Variants in OTOGL observed in about 807,000 individuals in gnomAD.
OTOGL encodes otogelin-like protein.
Under a neutral mutation model 318.5 loss-of-function variants are expected in OTOGL, and 285 were observed. The ratio of observed to expected loss-of-function variants is 0.89; its 90% confidence interval spans 0.81 to 0.99. The LOEUF (loss-of-function observed/expected upper bound fraction) is 0.99, where lower values mean the gene tolerates loss of function less well. Among genes scored for constraint, OTOGL ranks in the 50% least tolerant of loss-of-function variants. The pLI, the probability that OTOGL is intolerant of heterozygous loss-of-function variation, is 0.00. For synonymous variants in OTOGL, 987 were observed against 936.5 expected (o/e 1.05, Z -0.99); for missense variants, 2,899 against 2,845.6 (o/e 1.02, Z -0.43).
intron 1 of OTOGL, among the ~76,000 whole-genome samples, chr12:80,137,976 G>A (rs1186848867): frequency 1.3e-5 from 2 of 152,136 alleles, no homozygotes; most frequent in African/African-American, 2.4e-5. Flanking sequence ...AGACTTAACA[G>A]AAAAATTAAG....
chr12:80,142,099 G>A (rs1871985171), intron 1 of OTOGL, among the ~76,000 whole-genome samples: 2 of 152,148 alleles, frequency 1.3e-5, no homozygotes, highest in South Asian at 4.1e-4. Context: ...GACAAAGAGA[G>A]AGGAGGAGAG....
intron 26 of OTOGL, among the ~76,000 whole-genome samples, chr12:80,291,979 C>CTTTTCT (rs1885073734): frequency 6.6e-6 from 1 of 151,440 alleles, no homozygotes; most frequent in Non-Finnish European, 1.5e-5. Flanking sequence ...TTTTTCTTTT[C>CTTTTCT]TTTTCTTTTT....
intron 11 of OTOGL, 42 bp downstream of exon 11, chr12:80,239,481 G>T: frequency 1.5e-6 from 2 of 1,377,504 alleles, no homozygotes; most frequent in Non-Finnish European, 1.0e-6. Flanking sequence ...TTTTCTTTAT[G>T]CAAAAAGAAG....
At position 80,237,641 on chromosome 12, in the gene OTOGL, C is replaced by T. The variant is rs569128347; in HGVS notation, c.818-1210C>T. Among the ~76,000 whole-genome samples, 47 of 152,110 alleles carry T rather than the reference C, an allele frequency of 3.1e-4. No homozygotes were observed. In the South Asian group the frequency reaches 8.3e-3, roughly 27 times the overall value. ...TGCAGAAGATATATGAGGGGCAGAG[C>T]GGGTTGGGAGTAAGGGGAGAACAGG... is the stretch of plus-strand genomic sequence containing the variant. On this transcript the variant is annotated intron_variant, in intron 9 of 58. Transcript: ENST00000547103.
chr12:80,176,385 A>G (rs890412225), intron 1 of OTOGL, among the ~76,000 whole-genome samples: 1 of 152,050 alleles, frequency 6.6e-6, no homozygotes, highest in Admixed American at 6.6e-5. Context: ...TCTCTTCGTA[A>G]TCTCTCTTTC....
chr12:80,125,738 G>T (rs1193122241), intron 1 of OTOGL, among the ~76,000 whole-genome samples: 1 of 152,136 alleles, frequency 6.6e-6, no homozygotes, highest in East Asian at 1.9e-4. Context: ...TCTATTCAGA[G>T]ATTCAACTTC....
chr12:80,108,829 A>G (rs1401719544), intron 1 of OTOGL, among the ~76,000 whole-genome samples: 1 of 116,188 alleles, frequency 8.6e-6, no homozygotes, highest in African/African-American at 3.5e-5. Context: ...ATATATGTAT[A>G]TATATTGTAT....
Position 80,259,643 on chromosome 12 carries a change from C to T in OTOGL, c.1889+1641C>T, listed in dbSNP as rs544894100. 7.2e-5 allele frequency among the ~76,000 whole-genome samples: 11 copies of T among 152,024 alleles called. 1 individual carries two copies. The South Asian group carries it at 1.9e-3, about 26-fold the overall frequency. ...TGAGAACATGCGGTGATTGGTTTTC[C>T]GTTCCTGTTATAGTTTGCTGAGGAT... On this transcript the variant is annotated intron_variant, in intron 18 of 58. Transcript: ENST00000547103.
intron 1 of OTOGL, among the ~76,000 whole-genome samples, chr12:80,186,636 G>A (rs1875312143): frequency 6.6e-6 from 1 of 151,894 alleles, no homozygotes; most frequent in Admixed American, 6.6e-5. Flanking sequence ...CAGACGTATC[G>A]CTCACCACTC....
At position 80,366,306 on chromosome 12, in the gene OTOGL, C is replaced by T. The variant is rs1488224709; in HGVS notation, c.6268-268C>T. On this transcript the variant is annotated intron_variant, in intron 52 of 58. Transcript: ENST00000547103. ...ATGCAGACATCAGAACCCTAGGCTG[C>T]CTTGGTAGAGCAGATCAAGAACATT... 1.1e-5 allele frequency: 5 copies of T among 453,264 alleles called. No homozygotes were observed. In the Admixed American group the frequency reaches 1.2e-4, roughly 11 times the overall value. The allele number at this position is 453,264 out of a possible 1,614,324, so 28.1% of individuals were successfully genotyped here.
intron 1 of OTOGL, among the ~76,000 whole-genome samples, chr12:80,121,543 A>T (rs147598653): frequency 6.6e-6 from 1 of 152,258 alleles, no homozygotes; most frequent in African/African-American, 2.4e-5. Flanking sequence ...GGATTCATAC[A>T]GTTTAGACAA....
intron 1 of OTOGL, among the ~76,000 whole-genome samples, chr12:80,188,854 C>T (rs1875486049): frequency 6.6e-6 from 1 of 152,142 alleles, no homozygotes; most frequent in African/African-American, 2.4e-5. Context: ...AGTAAAGTTT[C>T]CCACAGCTCT....
intron 33 of OTOGL, 109 bp from the exon 34 acceptor site, chr12:80,320,313 G>T: frequency 2.0e-6 from 2 of 994,832 alleles, no homozygotes; most frequent in Non-Finnish European, 2.8e-6. Flanking sequence ...CACTAATTAT[G>T]TTTGGCAATT....
chr12:80,180,555 G>A (rs115803145), intron 1 of OTOGL, among the ~76,000 whole-genome samples: 2,539 of 152,286 alleles, frequency 0.017, 62 homozygotes, highest in African/African-American at 0.057. Flanking sequence ...AACAGAGAAA[G>A]GAGCCTTTTG....
Position 80,353,292 on chromosome 12 carries a change from T to A in OTOGL, c.5408-33T>A, listed in dbSNP as rs374658461. 26 of 1,310,230 alleles carry A rather than the reference T, an allele frequency of 2.0e-5. 1 individual carries two copies. Among genetic ancestry groups the A allele is most frequent in the African/African-American group, 6.0e-5 (4 of 66,170 alleles). The allele number at this position is 1,310,230 out of a possible 1,614,324, so 81.2% of individuals were successfully genotyped here. On this transcript the variant is annotated intron_variant, in intron 45 of 58. Transcript: ENST00000547103. ...CTAGAATTTAAATAAGTTACTTTTA[T>A]CATTAGCAAATTTTGTCTCCTATTC...
In OTOGL at chr12:80,154,387, A is replaced by G. The variant is rs2137176853; in HGVS notation, c.-20+54782A>G. ...GAAAAAGAAAACTTAAGCTCAACTA[A>G]TCAGAAACCACCAACTGTTATAGTT... On this transcript the variant is annotated intron_variant, in intron 1 of 58. Coordinates refer to ENST00000547103, the MANE Select transcript of OTOGL (RefSeq NM_001378609.3). Among the ~76,000 whole-genome samples, 2 of 152,272 alleles carry G rather than the reference A, an allele frequency of 1.3e-5. 1 individual carries two copies. Among genetic ancestry groups the G allele is most frequent in the South Asian group, 4.1e-4 (2 of 4,826 alleles).
At chr12:80,375,136 C>G (rs1413613547) in intron 57 of OTOGL, among the ~76,000 whole-genome samples, 5 of 152,142 alleles carry the variant, frequency 3.3e-5, no homozygotes. Context: ...AAAACCCTTT[C>G]CTGCCGCCTT....
chr12:80,170,714 G>A (rs1412696614), intron 1 of OTOGL, among the ~76,000 whole-genome samples: 1 of 152,094 alleles, frequency 6.6e-6, no homozygotes, highest in Non-Finnish European at 1.5e-5. Context: ...GATTACAGGC[G>A]TGAGCCACTG....
chr12:80,337,762 G>T (rs1179664126), intron 42 of OTOGL, among the ~76,000 whole-genome samples: 3 of 151,962 alleles, frequency 2.0e-5, no homozygotes, highest in African/African-American at 7.2e-5. Flanking sequence ...GTTAGCATAG[G>T]TCCATAGATT....
Sources: gnomAD v4.1 joint callset for allele counts (sites outside exome capture counted in the v4.1 genomes callset) on GRCh38, gnomAD v4.1.1 for gene constraint, MANE v1.5 for transcripts, NCBI Gene and HGNC (gene_info 2026-07-23, HGNC 2026-07-21) for gene names.